The following SND1 variants were observed in gnomAD, a reference collection of about 807,000 sequenced individuals.
SND1 encodes staphylococcal nuclease and tudor domain containing 1.
In SND1, 38 loss-of-function variants were observed where a neutral mutation model predicts 121.7. The ratio of observed to expected loss-of-function variants is 0.31; its 90% CI spans 0.24 to 0.41. The LOEUF is 0.41. SND1 is among the 10% of genes least tolerant of loss of function. The pLI is 1.00. For missense variants in SND1, 868 were observed against 1,184.6 expected (o/e 0.73, Z 3.92); for synonymous variants, 401 against 447.4 (o/e 0.90, Z 1.31).
intron 15 of SND1, among the ~76,000 whole-genome samples, chr7:127,933,115 G>A (rs111352485): frequency 0.059 from 9,001 of 152,228 alleles, 781 homozygotes; most frequent in African/African-American, 0.19. Flanking sequence ...AGGGGAAAGA[G>A]AACATTGAAG....
chr7:128,030,150 G>A, intron 16 of SND1: 1 of 1,614,230 alleles, frequency 6.2e-7, no homozygotes, highest in Non-Finnish European at 8.5e-7. Context: ...GAAGGCGTAA[G>A]AGGGGATGCT....
Position 128,084,840 on chromosome 7 carries a change from G to A in SND1, c.2227G>A (p.Gly743Arg). 6.3e-7 allele frequency: 1 copy of A among 1,595,170 alleles called. No homozygotes were observed. The highest frequency in any genetic ancestry group is 8.6e-7 in the Non-Finnish European group (1 of 1,167,072). The change falls in exon 19 of 24, where the codon GGA becomes AGA. Residue 743 changes from glycine to arginine, a missense_variant. Physicochemically the swap from Gly to Arg is moderately radical, Grantham distance 125 (BLOSUM62 -2). This residue lies in a region of SND1 where 743 missense variants were observed against 1,071.3 expected (regional missense o/e 0.69). Transcript: ENST00000354725. Reference protein sequence around the residue: ...GEFCIAKFVDGEWYRARVEKV... With the variant: ...GEFCIAKFVDREWYRARVEKV... ...GTTCTGCATTGCCAAATTTGTAGATGGAGAATGGTAAGCCACTTGGAAAAG... is the reference window on the plus strand; with the variant it reads ...GTTCTGCATTGCCAAATTTGTAGATAGAGAATGGTAAGCCACTTGGAAAAG...
rs902386058 is a variant in SND1, at chr7:127,662,583, C to T, written c.78+10132C>T. 2.0e-5 allele frequency among the ~76,000 whole-genome samples: 3 copies of T among 152,024 alleles called. No homozygotes were observed. The East Asian group carries it at 5.8e-4, about 29-fold the overall frequency. ...TGGTGGTTGGGGTGCTTTACTTGTA[C>T]CTTAGCTGTTTATTTCTTACAGGTG... On this transcript the variant is annotated intron_variant, in intron 1 of 23. Coordinates refer to ENST00000354725, the MANE Select transcript of SND1 (RefSeq NM_014390.4).
intron 12 of SND1, among the ~76,000 whole-genome samples, chr7:127,875,373 C>T (rs1799669592): frequency 6.6e-6 from 1 of 152,078 alleles, no homozygotes; most frequent in African/African-American, 2.4e-5. Context: ...AGCTGAGTGC[C>T]AGATGAGTGG....
intron 13 of SND1, among the ~76,000 whole-genome samples, chr7:127,899,277 AACACAC>A (rs3840645): frequency 6.7e-6 from 1 of 149,784 alleles, no homozygotes; most frequent in Non-Finnish European, 1.5e-5. Context: ...ACCTGCACAC[AACACAC>A]ACACACACAC....
chr7:128,032,718 C>T (rs1264302762), intron 16 of SND1, among the ~76,000 whole-genome samples: 1 of 151,940 alleles, frequency 6.6e-6, no homozygotes, highest in African/African-American at 2.4e-5. Context: ...GGTGGGGACT[C>T]GGGGGACGGC....
At chr7:127,702,560 A>G (rs1796122681) in intron 6 of SND1, 34 bp downstream of exon 6, 2 of 1,556,442 alleles carry the variant, frequency 1.3e-6, no homozygotes, top group Non-Finnish European at 1.8e-6. Flanking sequence ...TGGTGGGTTT[A>G]GAGTGTGTGG....
intron 11 of SND1, among the ~76,000 whole-genome samples, chr7:127,833,367 G>A (rs1798800154): frequency 6.6e-6 from 1 of 150,674 alleles, no homozygotes; most frequent in African/African-American, 2.4e-5. Flanking sequence ...CAAGGTTCAA[G>A]TGATTCTCAT....
intron 16 of SND1, chr7:128,030,798 A>T (rs1309038704): frequency 1.1e-6 from 1 of 940,872 alleles, no homozygotes; most frequent in East Asian, 2.8e-5. Flanking sequence ...GGCCGAAAAA[A>T]ATCCTGCCAA....
intron 9 of SND1, among the ~76,000 whole-genome samples, chr7:127,709,677 G>A (rs969507590): frequency 6.6e-6 from 1 of 152,092 alleles, no homozygotes; most frequent in Non-Finnish European, 1.5e-5. Flanking sequence ...CTTTAAAAGA[G>A]AGCGAGGCTT....
intron 12 of SND1, among the ~76,000 whole-genome samples, chr7:127,881,744 A>G (rs938182083): frequency 2.0e-5 from 3 of 151,962 alleles, no homozygotes; most frequent in East Asian, 1.9e-4. Context: ...AATGGAAACA[A>G]TTTTTTTTGT....
intron 10 of SND1, among the ~76,000 whole-genome samples, chr7:127,743,801 C>T (rs1001517565): frequency 3.9e-5 from 6 of 152,152 alleles, no homozygotes; most frequent in Admixed American, 3.3e-4. Flanking sequence ...TGGGTTATTT[C>T]ACAGTTTGAG....
chr7:127,941,176 G>A (rs111578810), intron 15 of SND1, among the ~76,000 whole-genome samples: 1 of 152,152 alleles, frequency 6.6e-6, no homozygotes, highest in East Asian at 1.9e-4. Flanking sequence ...TTACTTAAAT[G>A]ACCCTCTTAA....
rs530929445 is a variant in SND1, at chr7:127,852,236, T to C, written c.1343+7812T>C. ...AATCCTGGGCGAGATGGCTCACGTC[T>C]GTAATCCCAGCACTTTGGGAGGCTG... On this transcript the variant is annotated intron_variant, in intron 12 of 23. Transcript: ENST00000354725. 5.2e-4 allele frequency among the ~76,000 whole-genome samples: 79 copies of C among 151,982 alleles called. No homozygotes were observed. The Middle Eastern group carries it at 0.014, about 26-fold the overall frequency.
chr7:127,766,571 C>A (rs141501170), intron 10 of SND1, among the ~76,000 whole-genome samples: 20 of 151,712 alleles, frequency 1.3e-4, no homozygotes, highest in East Asian at 5.9e-4. Flanking sequence ...GTCAGGAGAT[C>A]AAGACCATCC....
At chr7:127,700,244 C>G (rs1163277229) in intron 4 of SND1, among the ~76,000 whole-genome samples, 1 of 152,114 alleles carries the variant, frequency 6.6e-6, no homozygotes, top group African/African-American at 2.4e-5. Flanking sequence ...GTCACTTTTT[C>G]CCAGTTTTGT....
chr7:127,891,327 T>C (rs1469522321), intron 13 of SND1, among the ~76,000 whole-genome samples: 4 of 152,050 alleles, frequency 2.6e-5, no homozygotes, highest in Admixed American at 1.3e-4. Flanking sequence ...CTCCCTTTCT[T>C]GAAAATGGTA....
chr7:127,882,182 G>A (rs1170690638), intron 12 of SND1, among the ~76,000 whole-genome samples: 1 of 151,872 alleles, frequency 6.6e-6, no homozygotes, highest in Non-Finnish European at 1.5e-5. Context: ...TTAAGCCCAG[G>A]AGTTTGAGGC....
chr7:127,736,968 T>C (rs1303277745), intron 10 of SND1, among the ~76,000 whole-genome samples: 1 of 152,238 alleles, frequency 6.6e-6, no homozygotes, highest in African/African-American at 2.4e-5. Flanking sequence ...CGGGTACTTC[T>C]ACAGTGCACT....
Sources: gnomAD v4.1 joint callset for allele counts (sites outside exome capture counted in the v4.1 genomes callset) on GRCh38, gnomAD v4.1.1 for gene constraint, gnomAD v4.1.1 regional missense constraint, MANE v1.5 for transcripts, NCBI Gene and HGNC (gene_info 2026-07-23, HGNC 2026-07-21) for gene names.